The following MIER2 variants were observed in gnomAD, a reference collection of about 807,000 sequenced individuals.
MIER2 encodes the protein MIER family member 2.
A neutral mutation model predicts 67.6 loss-of-function variants in MIER2; 30 were observed. The observed-to-expected ratio is 0.44, with a 90% CI of 0.33 to 0.60. The LOEUF is 0.60. Ranked by LOEUF, MIER2 falls within the 20% of genes least tolerant of loss-of-function variation. The pLI, the probability that MIER2 is intolerant of heterozygous loss-of-function variation, is 0.02. For synonymous variants in MIER2, 372 were observed against 312.6 expected (o/e 1.19, Z -2.00); for missense variants, 702 against 745.1 (o/e 0.94, Z 0.67).
intron 1 of MIER2, chr19:344,286 C>T (rs951707397): frequency 9.1e-6 from 9 of 985,094 alleles, no homozygotes; most frequent in Non-Finnish European, 1.1e-5. Context: ...GGCTCGCGGG[C>T]GGCGGAGGCG....
intron 7 of MIER2, among the ~76,000 whole-genome samples, chr19:323,220 G>C (rs1034010833): frequency 8.5e-5 from 11 of 129,906 alleles, no homozygotes; most frequent in African/African-American, 2.9e-4. Context: ...CAACCACGCA[G>C]ACAACTCGAA....
intron 7 of MIER2, 92 bp downstream of exon 7, chr19:325,543 G>C (rs989470550): frequency 1.4e-6 from 2 of 1,442,016 alleles, no homozygotes; most frequent in African/African-American, 2.8e-5. Flanking sequence ...GCGGGGCGGG[G>C]ACCTGACCAG....
intron 3 of MIER2, among the ~76,000 whole-genome samples, chr19:332,261 C>G (rs1177178610): frequency 6.6e-6 from 1 of 151,960 alleles, no homozygotes; most frequent in East Asian, 1.9e-4. Flanking sequence ...CACATCTCAG[C>G]TCATTTTAAA....
chr19:327,688 G>C (rs748277068), intron 4 of MIER2, among the ~76,000 whole-genome samples, 176 bp downstream of exon 4: 4 of 152,242 alleles, frequency 2.6e-5, no homozygotes, highest in African/African-American at 4.8e-5. Context: ...GTTAAGGCTA[G>C]GGTCCAGCCC....
chr19:331,360 G>GAAAAAAAAAAAAAAAAAAAAA (rs917485905), intron 3 of MIER2, among the ~76,000 whole-genome samples: 2 of 117,956 alleles, frequency 1.7e-5, no homozygotes, highest in African/African-American at 6.4e-5. Flanking sequence ...TCTGTCCCCA[G>GAAAAAAAAAAAAAAAAAAAAA]AAAAAAAAAA....
chr19:332,600 C>T (rs556329480), intron 3 of MIER2, among the ~76,000 whole-genome samples: 13 of 138,666 alleles, frequency 9.4e-5, no homozygotes, highest in African/African-American at 3.6e-4. Context: ...CCGCGCCCAA[C>T]AATTTTTGTA....
At chr19:314,590 G>A (rs985279781) in intron 7 of MIER2, among the ~76,000 whole-genome samples, 1 of 152,140 alleles carries the variant, frequency 6.6e-6, no homozygotes, top group Non-Finnish European at 1.5e-5. Flanking sequence ...CTCCCAGGTT[G>A]GTGCTGTGCC....
Position 312,010 on chromosome 19 carries a change from CG to C in MIER2, c.890-72del. 7 of 1,243,294 alleles carry C rather than the reference CG, an allele frequency of 5.6e-6. 1 individual carries two copies. Among genetic ancestry groups the C allele is most frequent in the South Asian group, 1.7e-5 (1 of 58,348 alleles). The allele number at this position is 1,243,294 out of a possible 1,614,324, so 77.0% of individuals were successfully genotyped here. A position where few individuals can be genotyped will look rare whatever the true frequency, so the allele number is the denominator to read the frequency against. On this transcript the variant is annotated intron_variant, in intron 9 of 13. Coordinates refer to ENST00000264819, the MANE Select transcript of MIER2 (RefSeq NM_017550.3). ...GCCGCAGCGGAAGGAAGGCCCAGGC[CG>C]GGGAGAACAGTCAGCGGCGCCCAGG...
At position 309,067 on chromosome 19, in the gene MIER2, C is replaced by T. The variant is rs1356787987; in HGVS notation, c.985-142G>A. ...CACTCTCAGATAACGCAAGACCCCC[C>T]GACCCATGACCCTAACAGGCCACAG... On this transcript the variant is annotated intron_variant, in intron 10 of 13. Transcript: ENST00000264819. 38 of 1,206,096 alleles carry T rather than the reference C, an allele frequency of 3.2e-5. No individual in the cohort carries two copies. The South Asian group carries it at 4.3e-4, about 14-fold the overall frequency. The allele number at this position is 1,206,096 out of a possible 1,614,324, so 74.7% of individuals were successfully genotyped here.
At position 306,589 on chromosome 19, in the gene MIER2, A is replaced by T; in HGVS notation, c.*101T>A. On this transcript the variant is annotated 3_prime_UTR_variant, in exon 14 of 14. Coordinates refer to ENST00000264819, the MANE Select transcript of MIER2 (RefSeq NM_017550.3). Reference sequence around the variant, plus strand: ...TGAAGCAGAAGGAGGTGCTACCCCAAGGCCCGGGGGGTGGGGAAGGGGTCA... The same window carrying T: ...TGAAGCAGAAGGAGGTGCTACCCCATGGCCCGGGGGGTGGGGAAGGGGTCA... 4 of 1,478,690 alleles carry T rather than the reference A, an allele frequency of 2.7e-6. No homozygotes were observed. Among genetic ancestry groups the T allele is most frequent in the Non-Finnish European group, 2.8e-6 (3 of 1,083,562 alleles). 91.6% of individuals were successfully genotyped at this position (1,478,690 alleles called of 1,614,324 possible). A position where few individuals can be genotyped will look rare whatever the true frequency, so the allele number is the denominator to read the frequency against.
chr19:344,461 C>T, intron 1 of MIER2: 1 of 792,736 alleles, frequency 1.3e-6, no homozygotes, highest in Non-Finnish European at 1.5e-6. Flanking sequence ...GCCCACCGGA[C>T]CCCCGACACC....
Sources: allele counts gnomAD v4.1 joint callset (sites outside exome capture counted in the v4.1 genomes callset), GRCh38; gene constraint gnomAD v4.1.1; transcripts MANE v1.5; gene names NCBI Gene and HGNC (gene_info 2026-07-23, HGNC 2026-07-21).